The following ABLIM2 variants were observed in gnomAD, a reference collection of about 807,000 sequenced individuals.
ABLIM2 encodes the protein actin binding LIM protein family member 2.
A neutral mutation model predicts 97.7 loss-of-function variants in ABLIM2; 53 were observed. The ratio of observed to expected loss-of-function variants is 0.54; its 90% confidence interval spans 0.44 to 0.68. The LOEUF is 0.68. ABLIM2 is among the 30% of genes least tolerant of loss of function. The pLI, the probability that ABLIM2 is intolerant of heterozygous loss-of-function variation, is 0.00. For synonymous variants in ABLIM2, 361 were observed against 345.8 expected (o/e 1.04, Z -0.49); for missense variants, 835 against 867.2 (o/e 0.96, Z 0.47).
At position 8,004,445 on chromosome 4, in the gene ABLIM2, G is replaced by A. The variant is rs1265956337; in HGVS notation, c.1618+3614C>T. On this transcript the variant is annotated intron_variant, in intron 16 of 20. Coordinates refer to ENST00000447017, the MANE Select transcript of ABLIM2 (RefSeq NM_001130083.2). The surrounding 1 kb of genome is among the most constrained non-coding windows in gnomAD (Gnocchi z 5.9). ...ACACATGCCTCATGTGCTGGGATTG[G>A]AGGAAAGGGTCTTATTCCCTTCGGA... Among the ~76,000 whole-genome samples the A allele has an allele frequency of 6.6e-6, 1 of 152,176 alleles. No homozygotes were observed. The highest frequency in any genetic ancestry group is 1.9e-4 in the East Asian group (1 of 5,188).
In ABLIM2 at chr4:7,966,836, G is replaced by A. The variant is rs1478781918; in HGVS notation, c.*154C>T. 10 of 602,714 alleles carry A rather than the reference G, an allele frequency of 1.7e-5. No homozygotes were observed. Among genetic ancestry groups the A allele is most frequent in the Middle Eastern group, 8.8e-4 (2 of 2,274 alleles). The allele number at this position is 602,714 out of a possible 1,614,324, so 37.3% of individuals were successfully genotyped here. On this transcript the variant is annotated 3_prime_UTR_variant, in exon 21 of 21. Transcript: ENST00000447017. ...CTACCGGCAGGAGTGTCGCCGGCAG[G>A]TGCAGGGGCCGCACCTGCTGGGGGA...
At position 8,085,046 on chromosome 4, in the gene ABLIM2, G is replaced by C. The variant is rs1456847264; in HGVS notation, c.454+3123C>G. On this transcript the variant is annotated intron_variant, in intron 4 of 20. Transcript: ENST00000447017. This position sits in a 1 kb window ranked among gnomAD's most constrained non-coding sequence, Gnocchi z 6.1. ...TCCCAACGAGAGTGGTGGGGAAGCT[G>C]AGGCATGCGGGGTGTTCGCTGCTCC... Among the ~76,000 whole-genome samples, 1 of 152,208 alleles carries C rather than the reference G, an allele frequency of 6.6e-6. No individual in the cohort carries two copies. Among genetic ancestry groups the C allele is most frequent in the East Asian group, 1.9e-4 (1 of 5,192 alleles).
chr4:8,066,413 GGAAGGAAGGAAGGA>G, intron 6 of ABLIM2: 1 of 143,744 alleles, frequency 7.0e-6, no homozygotes, highest in Non-Finnish European at 1.5e-5. Flanking sequence ...AAGGAAGGAA[GGAAGGAAGGAAGGA>G]AGGGAGGGGT....
chr4:8,079,066 G>A (rs1818087173), intron 5 of ABLIM2, among the ~76,000 whole-genome samples: 1 of 152,256 alleles, frequency 6.6e-6, no homozygotes, highest in African/African-American at 2.4e-5. Flanking sequence ...AGGATGTGGG[G>A]TCATGAGCCC....
At chr4:8,096,451 C>T (rs12501747) in intron 3 of ABLIM2, among the ~76,000 whole-genome samples, 31,580 of 152,152 alleles carry the variant, frequency 0.21, 3,902 homozygotes, top group Non-Finnish European at 0.29. Context: ...GGTCACGCTA[C>T]GATGACACAG....
intron 7 of ABLIM2, among the ~76,000 whole-genome samples, chr4:8,056,893 C>G (rs1162610488): frequency 7.5e-6 from 1 of 132,938 alleles, no homozygotes; most frequent in Non-Finnish European, 1.5e-5. Flanking sequence ...GATCGCACCA[C>G]TGCACTCCAC....
At position 8,075,071 on chromosome 4, in the gene ABLIM2, A is replaced by G. The variant is rs1438341762; in HGVS notation, c.675+2557T>C. On this transcript the variant is annotated intron_variant, in intron 6 of 20. Transcript: ENST00000447017. The surrounding 1 kb of genome is among the most constrained non-coding windows in gnomAD (Gnocchi z 4.4). ...AGTGCTGGGATTACAGGCATGAGCC[A>G]CCGCTCCCGGCCCAGCCTGACAATT... is the stretch of plus-strand genomic sequence containing the variant. 6.6e-6 allele frequency among the ~76,000 whole-genome samples: 1 copy of G among 152,194 alleles called. No individual in the cohort carries two copies. Among genetic ancestry groups the G allele is most frequent in the African/African-American group, 2.4e-5 (1 of 41,446 alleles).
intron 8 of ABLIM2, among the ~76,000 whole-genome samples, chr4:8,047,663 G>A (rs1793438187): frequency 6.6e-6 from 1 of 152,184 alleles, no homozygotes; most frequent in African/African-American, 2.4e-5. Flanking sequence ...ATGTTTTACT[G>A]GCCAAAATGA....
chr4:8,051,012 C>T (rs150877746), intron 8 of ABLIM2, among the ~76,000 whole-genome samples: 1 of 152,374 alleles, frequency 6.6e-6, no homozygotes, highest in East Asian at 1.9e-4. Context: ...TTAAGTGACC[C>T]CTGCCCGCTA....
chr4:8,140,621 C>T lies in ABLIM2; in HGVS notation c.10+18059G>A, dbSNP rs1850833619. 6.6e-6 allele frequency among the ~76,000 whole-genome samples: 1 copy of T among 152,116 alleles called. No homozygotes were observed. ...TCTGTGATACCGTTACTCCCATGGC[C>T]ACTGCTACTGATGATGGAAGCAATG... On this transcript the variant is annotated intron_variant, in intron 1 of 20. Coordinates refer to ENST00000447017, the MANE Select transcript of ABLIM2 (RefSeq NM_001130083.2). The surrounding 1 kb of genome is among the most constrained non-coding windows in gnomAD (Gnocchi z 5.9).
intron 16 of ABLIM2, among the ~76,000 whole-genome samples, chr4:7,997,869 G>C (rs1031761292): frequency 6.6e-6 from 1 of 151,866 alleles, no homozygotes; most frequent in Non-Finnish European, 1.5e-5. Flanking sequence ...AGTATCTGCT[G>C]TCTTTTTTTT....
Position 8,136,442 on chromosome 4 carries a change from A to G in ABLIM2, c.10+22238T>C, listed in dbSNP as rs1418797151. ...AATGGTCTAGATGGAAATATAATGT[A>G]TACATAGTACCACTGTTTTAAAAAA... On this transcript the variant is annotated intron_variant, in intron 1 of 20. Coordinates refer to ENST00000447017, the MANE Select transcript of ABLIM2 (RefSeq NM_001130083.2). Among the ~76,000 whole-genome samples, 3 of 152,344 alleles carry G rather than the reference A, an allele frequency of 2.0e-5. 1 individual carries two copies. The East Asian group carries it at 5.8e-4, about 29-fold the overall frequency.
intron 10 of ABLIM2, among the ~76,000 whole-genome samples, chr4:8,031,827 C>T (rs556995440): frequency 1.1e-4 from 17 of 151,554 alleles, no homozygotes; most frequent in African/African-American, 4.1e-4. Flanking sequence ...CGGGTTCAAG[C>T]GATTCTCCTG....
chr4:8,110,387 A>G lies in ABLIM2; in HGVS notation c.11-3750T>C, dbSNP rs937505536. Among the ~76,000 whole-genome samples the G allele has an allele frequency of 6.6e-5, 10 of 152,246 alleles. No homozygotes were observed. The East Asian group carries it at 1.9e-3, about 29-fold the overall frequency. ...GTCAGCTGGCCTGGGATGCAGGCTT[A>G]GCTGGCCTTCTGCATGCTGTGACCT... On this transcript the variant is annotated intron_variant, in intron 1 of 20. Transcript: ENST00000447017.
intron 14 of ABLIM2, among the ~76,000 whole-genome samples, chr4:8,017,925 G>A (rs1336848517): frequency 1.3e-5 from 2 of 151,998 alleles, no homozygotes; most frequent in Non-Finnish European, 2.9e-5. Context: ...GCCAAGAGGC[G>A]GAGGTTGCAG....
chr4:8,121,144 A>G (rs551550955), intron 1 of ABLIM2, among the ~76,000 whole-genome samples: 79 of 152,274 alleles, frequency 5.2e-4, no homozygotes, highest in African/African-American at 1.8e-3. Context: ...CCTGTTTTCC[A>G]TCTGCAAAGT....
Position 8,061,696 on chromosome 4 carries a change from C to T in ABLIM2, c.676-642G>A, listed in dbSNP as rs74674479. Among the ~76,000 whole-genome samples the T allele has an allele frequency of 0.014, 2,121 of 151,784 alleles. 44 individuals are homozygous for T. The highest frequency in any genetic ancestry group is 0.049 in the African/African-American group (2,011 of 41,374). On this transcript the variant is annotated intron_variant, in intron 6 of 20. Coordinates refer to ENST00000447017, the MANE Select transcript of ABLIM2 (RefSeq NM_001130083.2). This position sits in a 1 kb window ranked among gnomAD's most constrained non-coding sequence, Gnocchi z 4.5. ...CCCCGAAATGCTCCCTTTACCCCCA[C>T]GTTCCAGCACACACTTCCTACCCTG...
In ABLIM2 at chr4:8,046,805, C is replaced by G. The variant is rs570342574; in HGVS notation, c.823-1564G>C. Among the ~76,000 whole-genome samples, 1,192 of 152,248 alleles carry G rather than the reference C, an allele frequency of 7.8e-3. 8 individuals carry two copies. The highest frequency in any genetic ancestry group is 0.012 in the Non-Finnish European group (826 of 68,018). On this transcript the variant is annotated intron_variant, in intron 8 of 20. Transcript: ENST00000447017. This position sits in a 1 kb window ranked among gnomAD's most constrained non-coding sequence, Gnocchi z 4.4. Reference sequence around the variant, plus strand: ...TAGGATGGGCCCTAATCTGTTATGCCTGGGGTTTCTACGAGCAGGGATCAG... The same window carrying G: ...TAGGATGGGCCCTAATCTGTTATGCGTGGGGTTTCTACGAGCAGGGATCAG...
intron 17 of ABLIM2, 96 bp from the exon 18 acceptor site, chr4:7,984,989 G>T: frequency 7.6e-7 from 1 of 1,320,578 alleles, no homozygotes; most frequent in South Asian, 1.4e-5. Flanking sequence ...GGAGGCCGAG[G>T]TCCTCGTGCT....
Sources: gnomAD v4.1 joint callset for allele counts (sites outside exome capture counted in the v4.1 genomes callset) on GRCh38, gnomAD v4.1.1 for gene constraint, Gnocchi (gnomAD v3.1) non-coding constraint, MANE v1.5 for transcripts, NCBI Gene and HGNC (gene_info 2026-07-23, HGNC 2026-07-21) for gene names.